NFIB: variants seen among roughly 807,000 people sequenced by gnomAD.
The protein encoded by NFIB is nuclear factor I B, also known as nuclear factor 1 B-type.
NFIB carries 11 observed loss-of-function variants against 61.5 expected under a neutral mutation model. The ratio of observed to expected loss-of-function variants is 0.18; its 90% CI spans 0.11 to 0.30. NFIB has a LOEUF of 0.30. Among genes scored for constraint, NFIB ranks in the 10% least tolerant of loss-of-function variants. The pLI, the probability that NFIB is intolerant of heterozygous loss-of-function variation, is 1.00. For missense variants in NFIB, 471 were observed against 608.9 expected (o/e 0.77, Z 2.38); for synonymous variants, 260 against 216.5 (o/e 1.20, Z -1.76).
the NFIB span, among the ~76,000 whole-genome samples, chr9:14,531,016 C>T: frequency 3.3e-5 from 5 of 152,188 alleles, no homozygotes; most frequent in Non-Finnish European, 7.3e-5. Context: ...AAGGGTTCCC[C>T]ATTCTTGTCA....
At chr9:14,188,563 G>A (rs2047622680) in intron 2 of NFIB, among the ~76,000 whole-genome samples, 1 of 152,172 alleles carries the variant, frequency 6.6e-6, no homozygotes, top group Non-Finnish European at 1.5e-5. Flanking sequence ...ATTTCCAGCT[G>A]TATTTTAAGT....
At chr9:14,173,231 CG>C (rs2045768684) in intron 3 of NFIB, among the ~76,000 whole-genome samples, 1 of 152,126 alleles carries the variant, frequency 6.6e-6, no homozygotes, top group Non-Finnish European at 1.5e-5. Context: ...CTGCACAAAG[CG>C]GTTGGCTGAC....
chr9:14,297,552 T>A (rs915733937), intron 2 of NFIB, among the ~76,000 whole-genome samples: 7 of 152,162 alleles, frequency 4.6e-5, no homozygotes, highest in Non-Finnish European at 8.8e-5. Context: ...AAAGAAAGCC[T>A]CTCACCTGCT....
chr9:14,354,683 C>A (rs1054118494), intron 1 of NFIB, among the ~76,000 whole-genome samples: 1 of 152,126 alleles, frequency 6.6e-6, no homozygotes, highest in African/African-American at 2.4e-5. Context: ...CCTAAAATCT[C>A]CAAATCTAGT....
the NFIB span, among the ~76,000 whole-genome samples, chr9:14,462,343 C>T: frequency 1.3e-4 from 19 of 151,198 alleles, no homozygotes; most frequent in Admixed American, 1.1e-3. Flanking sequence ...AGTGCAGTGG[C>T]GCGATCTTGG....
the NFIB span, among the ~76,000 whole-genome samples, chr9:14,422,575 C>T: frequency 7.2e-5 from 11 of 152,206 alleles, no homozygotes; most frequent in Middle Eastern, 3.2e-3. Flanking sequence ...GGCCAACACA[C>T]TTATAAAACC....
At chr9:14,405,087 T>C in the NFIB span, among the ~76,000 whole-genome samples, 1 of 152,192 alleles carries the variant, frequency 6.6e-6, no homozygotes, top group African/African-American at 2.4e-5. Context: ...TTGATAGAAA[T>C]AGATATCACT....
chr9:14,221,008 A>G (rs2051600562), intron 2 of NFIB, among the ~76,000 whole-genome samples: 1 of 151,998 alleles, frequency 6.6e-6, no homozygotes, highest in South Asian at 2.1e-4. Flanking sequence ...GAACTCCTCT[A>G]AGGCCTCCAT....
At chr9:14,168,815 C>A (rs1419828693) in intron 3 of NFIB, among the ~76,000 whole-genome samples, 1 of 152,026 alleles carries the variant, frequency 6.6e-6, no homozygotes, top group African/African-American at 2.4e-5. Context: ...AACATTTTGC[C>A]CCTCTCATCA....
intron 2 of NFIB, among the ~76,000 whole-genome samples, chr9:14,235,352 C>G (rs760333436): frequency 3.5e-4 from 53 of 152,186 alleles, no homozygotes; most frequent in Admixed American, 1.0e-3. Context: ...TTGTTCCTCA[C>G]CAGCTGTAAA....
At chr9:14,102,575 G>T (rs918100490) in intron 10 of NFIB, 3 of 1,321,928 alleles carry the variant, frequency 2.3e-6, no homozygotes, top group South Asian at 2.6e-5. Context: ...GTATTTAAAT[G>T]AACACATGCA....
At chr9:14,342,423 AGAAGGAAG>A (rs563853168) in intron 1 of NFIB, among the ~76,000 whole-genome samples, 7 of 151,874 alleles carry the variant, frequency 4.6e-5, no homozygotes, top group Non-Finnish European at 8.8e-5. Context: ...CAGTGAAATG[AGAAGGAAG>A]GAAGGAAGGA....
chr9:14,237,763 A>T (rs111235944), intron 2 of NFIB, among the ~76,000 whole-genome samples: 2,448 of 85,082 alleles, frequency 0.029, 108 homozygotes, highest in African/African-American at 0.11. Context: ...TAGGTATAAC[A>T]GTGTGTGTGT....
intron 2 of NFIB, among the ~76,000 whole-genome samples, chr9:14,258,798 A>T (rs898161719): frequency 7.2e-5 from 11 of 152,230 alleles, no homozygotes; most frequent in African/African-American, 2.7e-4. Context: ...GCATAGAAAC[A>T]TTATAAAAAC....
the NFIB span, among the ~76,000 whole-genome samples, chr9:14,479,534 C>T: frequency 2.0e-5 from 3 of 152,190 alleles, no homozygotes; most frequent in Non-Finnish European, 2.9e-5. Context: ...GTTCCTTGCA[C>T]ATGTTGGCAA....
chr9:14,338,676 T>C (rs972642692), intron 1 of NFIB, among the ~76,000 whole-genome samples: 6 of 152,218 alleles, frequency 3.9e-5, no homozygotes, highest in African/African-American at 1.4e-4. Context: ...GTGTGACTTG[T>C]GGTAGACACA....
intron 1 of NFIB, among the ~76,000 whole-genome samples, chr9:14,349,815 G>C (rs958079721): frequency 5.9e-5 from 9 of 152,152 alleles, no homozygotes; most frequent in African/African-American, 9.7e-5. Flanking sequence ...TTGAGACTTC[G>C]AGCTAAAAGA....
chr9:14,340,322 G>T (rs2060935157), intron 1 of NFIB, among the ~76,000 whole-genome samples: 1 of 152,222 alleles, frequency 6.6e-6, no homozygotes, highest in Admixed American at 6.5e-5. Context: ...TCTTCACCAA[G>T]AGGCACTATT....
the NFIB span, among the ~76,000 whole-genome samples, chr9:14,512,497 CTA>C: frequency 6.6e-6 from 1 of 152,000 alleles, no homozygotes; most frequent in Non-Finnish European, 1.5e-5. Context: ...TGGCATATAA[CTA>C]GATGATTATA....
Sources: allele counts gnomAD v4.1 joint callset (sites outside exome capture counted in the v4.1 genomes callset), GRCh38; gene constraint gnomAD v4.1.1; transcripts MANE v1.5; gene names NCBI Gene and HGNC (gene_info 2026-07-23, HGNC 2026-07-21).